Variants in APOA1 observed in about 807,000 individuals in gnomAD.
APOA1 encodes apolipoprotein A-I.
In APOA1, 22 loss-of-function variants were observed where a neutral mutation model predicts 25.9. That is an observed-to-expected ratio of 0.85 (90% CI 0.61 to 1.21). APOA1 has a LOEUF of 1.21. APOA1 is among the 50% of genes most tolerant of loss of function. APOA1 has a pLI of 0.00. For synonymous variants in APOA1, 163 were observed against 152.2 expected (o/e 1.07, Z -0.52); for missense variants, 351 against 347.9 (o/e 1.01, Z -0.07).
In APOA1 at chr11:116,837,118, G is replaced by C. The variant is rs121912721; in HGVS notation, c.83C>G (p.Pro28Arg). 4.2e-5 allele frequency: 68 copies of C among 1,613,616 alleles called. No individual in the cohort carries two copies. The highest frequency in any genetic ancestry group is 1.6e-4 in the Middle Eastern group (1 of 6,078). Reference sequence around the variant, plus strand: ...CTTCACTCGATCCCAGGGGCTCTGGGGGGGTTCATCTTGCTGCCAGAAATG... The same window carrying C: ...CTTCACTCGATCCCAGGGGCTCTGGCGGGGTTCATCTTGCTGCCAGAAATG... The part of the protein sequence containing the change: ...ARHFWQQDEP[P>R]QSPWDRVKDL... Residue 28 changes from proline to arginine, a missense_variant, in exon 3 of 4, where the codon CCC (proline) becomes CGC (arginine). Pro to Arg is a moderately radical substitution (Grantham distance 103). Coordinates refer to ENST00000236850, the MANE Select transcript of APOA1 (RefSeq NM_000039.3).
In APOA1 at chr11:116,836,195, G is replaced by T. The variant is rs764542484; in HGVS notation, c.417C>A (p.Tyr139Ter). The part of the protein sequence containing the change: ...QKKWQEEMEL[Y>*]RQKVEPLRAE... Reference sequence around the variant, plus strand: ...CGCGCAGCGGCTCCACCTTCTGGCGGTAGAGCTCCATCTCCTCCTGCCACT... The same window carrying T: ...CGCGCAGCGGCTCCACCTTCTGGCGTTAGAGCTCCATCTCCTCCTGCCACT... The change falls in exon 4 of 4, where the codon TAC (tyrosine) becomes TAA (stop). Residue 139 changes from tyrosine to a stop codon, truncating the protein, a stop_gained. Transcript: ENST00000236850. LOFTEE classifies it high-confidence loss of function. 5 of 1,613,804 alleles carry T rather than the reference G, an allele frequency of 3.1e-6. No homozygotes were observed. Among genetic ancestry groups the T allele is most frequent in the Non-Finnish European group, 4.2e-6 (5 of 1,180,024 alleles).
chr11:116,837,616 A>C lies in APOA1; in HGVS notation c.-32T>G. ...GCAGCAGGACGCACCTCCTTCTCGC[A>C]GTCTCTAAGCAGCCAGCTCTTGCAG... On this transcript the variant is annotated 5_prime_UTR_variant, in exon 1 of 4. Coordinates refer to ENST00000236850, the MANE Select transcript of APOA1 (RefSeq NM_000039.3). 1.6e-6 allele frequency: 1 copy of C among 609,790 alleles called. No individual in the cohort carries two copies. Among genetic ancestry groups the C allele is most frequent in the South Asian group, 2.0e-5 (1 of 51,058 alleles). The allele number at this position is 609,790 out of a possible 1,614,324, so 37.8% of individuals were successfully genotyped here.
Position 116,837,364 on chromosome 11 carries a change from C to T in APOA1, c.24G>A (p.Leu8=), listed in dbSNP as rs1312037976. Residue 8 remains leucine, a synonymous_variant, in exon 2 of 4, where the codon TTG becomes TTA. Transcript: ENST00000236850. Reference sequence around the variant, plus strand: ...ACCTACCCGTCAGGAAGAGCACGGCCAAGGTCAGCACCGCAGCTTTCATCC... The same window carrying T: ...ACCTACCCGTCAGGAAGAGCACGGCTAAGGTCAGCACCGCAGCTTTCATCC... MKAAVLT[L]AVLFLTGSQA... The T allele has an allele frequency of 7.0e-6, 11 of 1,563,738 alleles. No individual in the cohort carries two copies. Among genetic ancestry groups the T allele is most frequent in the African/African-American group, 1.4e-5 (1 of 73,994 alleles).
chr11:116,837,616 A>G lies in APOA1; in HGVS notation c.-32T>C. On this transcript the variant is annotated 5_prime_UTR_variant, in exon 1 of 4. Transcript: ENST00000236850. ...GCAGCAGGACGCACCTCCTTCTCGC[A>G]GTCTCTAAGCAGCCAGCTCTTGCAG... 1.6e-6 allele frequency: 1 copy of G among 609,790 alleles called. No homozygotes were observed. Among genetic ancestry groups the G allele is most frequent in the Non-Finnish European group, 2.9e-6 (1 of 340,864 alleles). 37.8% of individuals were successfully genotyped at this position (609,790 alleles called of 1,614,324 possible). A position where few individuals can be genotyped will look rare whatever the true frequency, so the allele number is the denominator to read the frequency against.
chr11:116,837,245 G>T lies in APOA1; in HGVS notation c.44-88C>A. On this transcript the variant is annotated intron_variant, in intron 2 of 3. Coordinates refer to ENST00000236850, the MANE Select transcript of APOA1 (RefSeq NM_000039.3). The stretch of plus-strand genomic sequence containing the variant: ...CAAGCTTGGAGGTGGGGGAGAGGGG[G>T]CCAGTGAGAAACCTGCTGCCTCTGC... 21 of 1,579,206 alleles carry T rather than the reference G, an allele frequency of 1.3e-5. No individual in the cohort carries two copies. In the South Asian group the frequency reaches 2.2e-4, roughly 17 times the overall value.
intron 2 of APOA1, 63 bp from the exon 3 acceptor site, chr11:116,837,220 C>G: frequency 1.2e-6 from 2 of 1,604,886 alleles, no homozygotes; most frequent in Non-Finnish European, 8.5e-7. Context: ...GCCGAAAGGC[C>G]AAGCTTGGAG....
rs28929476 is a variant in APOA1, at chr11:116,837,100, C to T, written c.101G>A (p.Arg34Gln). The T allele has an allele frequency of 3.1e-6, 5 of 1,614,070 alleles. No homozygotes were observed. Among genetic ancestry groups the T allele is most frequent in the Non-Finnish European group, 3.4e-6 (4 of 1,180,012 alleles). The change falls in exon 3 of 4, where the codon CGA (arginine) becomes CAA (glutamine). Residue 34 changes from arginine (R) to glutamine (Q), a missense_variant. Transcript: ENST00000236850. ...QDEPPQSPWD[R>Q]VKDLATVYVD... The stretch of plus-strand genomic sequence containing the variant: ...GTACACAGTGGCCAGGTCCTTCACT[C>T]GATCCCAGGGGCTCTGGGGGGGTTC...
rs1015531531 is a variant in APOA1, at chr11:116,837,583, C to T, written c.-21+22G>A. ...CCTTGAGCTGGGGAGCCAGAGTGAC[C>T]GGGGCAGGCAGCAGGACGCACCTCC... is the stretch of plus-strand genomic sequence containing the variant. On this transcript the variant is annotated intron_variant, in intron 1 of 3. Coordinates refer to ENST00000236850, the MANE Select transcript of APOA1 (RefSeq NM_000039.3). 1.7e-5 allele frequency: 11 copies of T among 652,326 alleles called. No homozygotes were observed. Among genetic ancestry groups the T allele is most frequent in the South Asian group, 3.8e-5 (2 of 52,962 alleles). The allele number at this position is 652,326 out of a possible 1,614,324, so 40.4% of individuals were successfully genotyped here.
chr11:116,836,025 T>C lies in APOA1; in HGVS notation c.587A>G (p.Gln196Arg). 2 of 1,606,738 alleles carry C rather than the reference T, an allele frequency of 1.2e-6. No homozygotes were observed. The highest frequency in any genetic ancestry group is 1.7e-5 in the Admixed American group (1 of 59,968). The stretch of plus-strand genomic sequence containing the variant: ...AGCCTCAAGGCGCGCGGCCAAGCGC[T>C]GGCGCAGCTCGTCGCTGTAGGGGGC... ...HLAPYSDELR[Q>R]RLAARLEALK... Residue 196 changes from glutamine to arginine, a missense_variant, in exon 4 of 4, where the codon CAG (glutamine) becomes CGG (arginine). Physicochemically the swap from Gln to Arg is conservative, Grantham distance 43 (BLOSUM62 1). Transcript: ENST00000236850.
In APOA1 at chr11:116,836,992, G is replaced by C; in HGVS notation, c.200+9C>G. 6.2e-7 allele frequency: 1 copy of C among 1,613,938 alleles called. No individual in the cohort carries two copies. The highest frequency in any genetic ancestry group is 8.5e-7 in the Non-Finnish European group (1 of 1,180,006). ...TACCCCTGCCCTCAACCCCAGGCTG[G>C]GTCCTTACTTTAGCTGTTTTCCCAA... is the stretch of plus-strand genomic sequence containing the variant. On this transcript the variant is annotated intron_variant, in intron 3 of 3. Coordinates refer to ENST00000236850, the MANE Select transcript of APOA1 (RefSeq NM_000039.3).
At chr11:116,836,761 T>C (rs1763022930) in intron 3 of APOA1, among the ~76,000 whole-genome samples, 1 of 152,196 alleles carries the variant, frequency 6.6e-6, no homozygotes, top group Admixed American at 6.5e-5. Context: ...GAAAGGGGCT[T>C]GCTACACTTG....
chr11:116,836,036 G>C lies in APOA1; in HGVS notation c.576C>G (p.Asp192Glu), dbSNP rs772355721. The C allele has an allele frequency of 8.1e-6, 13 of 1,606,042 alleles. No individual in the cohort carries two copies. The highest frequency in any genetic ancestry group is 1.7e-5 in the Admixed American group (1 of 59,928). Residue 192 changes from aspartate (D) to glutamate (E), a missense_variant, in exon 4 of 4, where the codon GAC becomes GAG. Transcript: ENST00000236850. ...ALRTHLAPYS[D>E]ELRQRLAARL... is the part of the protein sequence containing the mutation. ...GCGCGGCCAAGCGCTGGCGCAGCTC[G>C]TCGCTGTAGGGGGCCAGATGCGTGC... is the stretch of plus-strand genomic sequence containing the variant.
rs1338124984 is a variant in APOA1 at position 116,835,999 on chromosome 11, G to C, written c.613C>G (p.Leu205Val). 1.2e-6 allele frequency: 2 copies of C among 1,608,608 alleles called. No individual in the cohort carries two copies. Among genetic ancestry groups the C allele is most frequent in the South Asian group, 1.1e-5 (1 of 91,062 alleles). ...RQRLAARLEA[L>V]KENGGARLAE... is the part of the protein sequence containing the mutation. ...AGTCTGGCGCCGCCGTTCTCCTTGA[G>C]AGCCTCAAGGCGCGCGGCCAAGCGC... Residue 205 changes from leucine (L) to valine (V), a missense_variant, in exon 4 of 4, where the codon CTC (leucine) becomes GTC (valine). Leu to Val is a conservative substitution (Grantham distance 32). Transcript: ENST00000236850.
In APOA1 at chr11:116,836,017, C is replaced by T. The variant is rs121912730; in HGVS notation, c.595G>A (p.Ala199Thr). 3.1e-6 allele frequency: 5 copies of T among 1,607,084 alleles called. No individual in the cohort carries two copies. The Admixed American group carries it at 5.0e-5, about 16-fold the overall frequency. ...PYSDELRQRL[A>T]ARLEALKENG... ...TCCTTGAGAGCCTCAAGGCGCGCGG[C>T]CAAGCGCTGGCGCAGCTCGTCGCTG... Residue 199 changes from alanine (A) to threonine (T), a missense_variant, in exon 4 of 4, where the codon GCC (alanine) becomes ACC (threonine). Physicochemically the swap from Ala to Thr is moderately conservative, Grantham distance 58. Transcript: ENST00000236850.
rs1294156106 is a variant in APOA1, at chr11:116,835,900, G to T, written c.712C>A (p.Leu238Ile). 6.2e-7 allele frequency: 1 copy of T among 1,613,272 alleles called. No individual in the cohort carries two copies. The highest frequency in any genetic ancestry group is 1.3e-5 in the African/African-American group (1 of 75,072). Residue 238 changes from leucine to isoleucine, a missense_variant, in exon 4 of 4, where the codon CTC becomes ATC. By Grantham distance (5) the Leu-to-Ile change is conservative. Coordinates refer to ENST00000236850, the MANE Select transcript of APOA1 (RefSeq NM_000039.3). ...SEKAKPALED[L>I]RQGLLPVLES... Reference sequence around the variant, plus strand: ...AGCACGGGCAGCAGGCCTTGGCGGAGGTCCTCGAGCGCGGGCTTGGCCTTC... The same window carrying T: ...AGCACGGGCAGCAGGCCTTGGCGGATGTCCTCGAGCGCGGGCTTGGCCTTC...
rs1941570232 is a variant in APOA1, at chr11:116,837,084, G to A, written c.117C>T (p.Ala39=). ...CTTTGAGCACATCCACGTACACAGT[G>A]GCCAGGTCCTTCACTCGATCCCAGG... The part of the protein sequence containing the change: ...QSPWDRVKDL[A]TVYVDVLKDS... Residue 39 remains alanine (A), a synonymous_variant, in exon 3 of 4, where the codon GCC becomes GCT. Transcript: ENST00000236850. 6.2e-7 allele frequency: 1 copy of A among 1,614,002 alleles called. No individual in the cohort carries two copies. Among genetic ancestry groups the A allele is most frequent in the Admixed American group, 1.7e-5 (1 of 60,000 alleles).
At position 116,837,537 on chromosome 11, in the gene APOA1, C is replaced by T. The variant is rs1799837; in HGVS notation, c.-21+68G>A. 6.9e-3 allele frequency: 6,593 copies of T among 956,534 alleles called. 49 individuals are homozygous for T. The highest frequency in any genetic ancestry group is 8.0e-3 in the Non-Finnish European group (4,960 of 622,826). The allele number at this position is 956,534 out of a possible 1,614,324, so 59.3% of individuals were successfully genotyped here. A position where few individuals can be genotyped will look rare whatever the true frequency, so the allele number is the denominator to read the frequency against. ...AGAAGACCTCAGGTACCCAGAGGCC[C>T]GGCCTGGGGCAAGGCCTGAACCTTG... On this transcript the variant is annotated intron_variant, in intron 1 of 3. Coordinates refer to ENST00000236850, the MANE Select transcript of APOA1 (RefSeq NM_000039.3).
chr11:116,836,194 GGTA>G lies in APOA1; in HGVS notation c.415_417del (p.Tyr139del). The G allele has an allele frequency of 6.2e-7, 1 of 1,613,754 alleles. No homozygotes were observed. The highest frequency in any genetic ancestry group is 8.5e-7 in the Non-Finnish European group (1 of 1,180,030). ...GCGCGCAGCGGCTCCACCTTCTGGC[GGTA>G]GAGCTCCATCTCCTCCTGCCACTTC... is the stretch of plus-strand genomic sequence containing the variant. On this transcript the variant is annotated inframe_deletion, in exon 4 of 4. Transcript: ENST00000236850.
rs771101090 is a variant in APOA1 at position 116,836,025 on chromosome 11, T to G, written c.587A>C (p.Gln196Pro). The change falls in exon 4 of 4, where the codon CAG becomes CCG. Residue 196 changes from glutamine to proline, a missense_variant. By Grantham distance (76) the Gln-to-Pro change is moderately conservative. Transcript: ENST00000236850. ...AGCCTCAAGGCGCGCGGCCAAGCGCTGGCGCAGCTCGTCGCTGTAGGGGGC... is the reference window on the plus strand; with the variant it reads ...AGCCTCAAGGCGCGCGGCCAAGCGCGGGCGCAGCTCGTCGCTGTAGGGGGC... ...HLAPYSDELR[Q>P]RLAARLEALK... 6.2e-7 allele frequency: 1 copy of G among 1,606,738 alleles called. No homozygotes were observed. Among genetic ancestry groups the G allele is most frequent in the South Asian group, 1.1e-5 (1 of 91,012 alleles).
Sources: gnomAD v4.1 joint callset for allele counts (sites outside exome capture counted in the v4.1 genomes callset) on GRCh38, gnomAD v4.1.1 for gene constraint, MANE v1.5 for transcripts, NCBI Gene and HGNC (gene_info 2026-07-23, HGNC 2026-07-21) for gene names.